DMRTC2: variants seen among roughly 807,000 people sequenced by gnomAD.
DMRTC2 encodes doublesex- and mab-3-related transcription factor C2.
In DMRTC2, 13 loss-of-function variants were observed where a neutral mutation model predicts 39.9. The ratio of observed to expected loss-of-function variants is 0.33; its 90% CI spans 0.21 to 0.52. DMRTC2 has a LOEUF of 0.52. DMRTC2 is among the 20% of genes least tolerant of loss of function. DMRTC2 has a pLI of 0.96. For missense variants in DMRTC2, 431 were observed against 472.8 expected (o/e 0.91, Z 0.82); for synonymous variants, 189 against 185.2 (o/e 1.02, Z -0.17).
chr19:41,851,725 TG>T lies in DMRTC2; in HGVS notation c.*31del. On this transcript the variant is annotated 3_prime_UTR_variant, in exon 9 of 9. Transcript: ENST00000269945. Reference sequence around the variant, plus strand: ...CCCAGAGATGGAGGCTGTCTTGCTATGGCAGGGAGGTGACAGCCTGCTGGCA... The same window carrying T: ...CCCAGAGATGGAGGCTGTCTTGCTATGCAGGGAGGTGACAGCCTGCTGGCA... 6.2e-7 allele frequency: 1 copy of T among 1,600,126 alleles called. No individual in the cohort carries two copies. Among genetic ancestry groups the T allele is most frequent in the Non-Finnish European group, 8.6e-7 (1 of 1,167,436 alleles).
intron 1 of DMRTC2, among the ~76,000 whole-genome samples, chr19:41,846,590 C>CA (rs1337586808): frequency 6.6e-6 from 1 of 151,602 alleles, no homozygotes; most frequent in Non-Finnish European, 1.5e-5. Context: ...TTTTTTGAGA[C>CA]AGAGTCTTGC....
chr19:41,849,252 C>A lies in DMRTC2; in HGVS notation c.751C>A (p.Arg251Ser). The A allele has an allele frequency of 6.2e-7, 1 of 1,613,914 alleles. No individual in the cohort carries two copies. Among genetic ancestry groups the A allele is most frequent in the Non-Finnish European group, 8.5e-7 (1 of 1,179,896 alleles). The change falls in exon 6 of 9, where the codon CGC (arginine) becomes AGC (serine). Residue 251 changes from arginine to serine, a missense_variant. By Grantham distance (110) the Arg-to-Ser change is moderately radical. Coordinates refer to ENST00000269945, the MANE Select transcript of DMRTC2 (RefSeq NM_001040283.3). Reference sequence around the variant, plus strand: ...GCCCCAAGGGCCCCCTAGCCAGCCCCGCACGTGAGTAGGGAGAGAAGGATG... The same window carrying A: ...GCCCCAAGGGCCCCCTAGCCAGCCCAGCACGTGAGTAGGGAGAGAAGGATG... ...GEPQGPPSQP[R>S]THSTLILQPC...
At chr19:41,846,316 C>T (rs544870576) in intron 1 of DMRTC2, among the ~76,000 whole-genome samples, 3 of 152,130 alleles carry the variant, frequency 2.0e-5, no homozygotes, top group East Asian at 1.9e-4. Flanking sequence ...ATGTAGGACT[C>T]GCTGAAGGGG....
In DMRTC2 at chr19:41,849,126, T is replaced by C. The variant is rs1228371411; in HGVS notation, c.629-4T>C. On this transcript the variant is annotated splice_region_variant and splice_polypyrimidine_tract_variant and intron_variant, in intron 5 of 8. Transcript: ENST00000269945. Reference sequence around the variant, plus strand: ...TACACTCTGCATTCTTTTATTCTTATTAGGCTTTGACCCTGGCACCTCCCT... The same window carrying C: ...TACACTCTGCATTCTTTTATTCTTACTAGGCTTTGACCCTGGCACCTCCCT... The C allele has an allele frequency of 1.2e-6, 2 of 1,614,072 alleles. No homozygotes were observed. The highest frequency in any genetic ancestry group is 2.2e-5 in the East Asian group (1 of 44,898).
chr19:41,845,688 G>T (rs1352162692), intron 1 of DMRTC2, among the ~76,000 whole-genome samples: 1 of 152,198 alleles, frequency 6.6e-6, no homozygotes, highest in Non-Finnish European at 1.5e-5. Context: ...TTAGACGGGC[G>T]TGGTGGCACA....
In DMRTC2 at chr19:41,851,863, A is replaced by G. The variant is rs1318017535; in HGVS notation, c.*167A>G. The G allele has an allele frequency of 1.4e-5, 9 of 629,810 alleles. No homozygotes were observed. Among genetic ancestry groups the G allele is most frequent in the Non-Finnish European group, 2.5e-5 (9 of 364,146 alleles). The allele number at this position is 629,810 out of a possible 1,614,324, so 39.0% of individuals were successfully genotyped here. On this transcript the variant is annotated 3_prime_UTR_variant, in exon 9 of 9. Transcript: ENST00000269945. ...GTTTGTTTAAGCTTTCAGGTGCTTC[A>G]TTAGCTTTCAGTTCCTTTGGTAGTG... is the stretch of plus-strand genomic sequence containing the variant.
At position 41,848,479 on chromosome 19, in the gene DMRTC2, C is replaced by T; in HGVS notation, c.398C>T (p.Pro133Leu). The T allele has an allele frequency of 6.2e-7, 1 of 1,605,332 alleles. No homozygotes were observed. Among genetic ancestry groups the T allele is most frequent in the Non-Finnish European group, 8.5e-7 (1 of 1,175,972 alleles). ...PSGKENIAPQ[P>L]QTPHGAVLLA... ...GGAAAGGAGAACATAGCACCCCAGC[C>T]TCAGACCCCCCATGGGGCAGTCCTG... is the stretch of plus-strand genomic sequence containing the variant. Residue 133 changes from proline (P) to leucine (L), a missense_variant, in exon 4 of 9, where the codon CCT (proline) becomes CTT (leucine). Physicochemically the swap from Pro to Leu is moderately conservative, Grantham distance 98. Coordinates refer to ENST00000269945, the MANE Select transcript of DMRTC2 (RefSeq NM_001040283.3).
intron 1 of DMRTC2, among the ~76,000 whole-genome samples, chr19:41,845,821 C>T (rs2073824956): frequency 6.6e-6 from 1 of 151,534 alleles, no homozygotes; most frequent in African/African-American, 2.4e-5. Flanking sequence ...AGTGAGACTC[C>T]ATCTCAAAAC....
At position 41,849,211 on chromosome 19, in the gene DMRTC2, C is replaced by T. The variant is rs1343636474; in HGVS notation, c.710C>T (p.Ala237Val). The T allele has an allele frequency of 1.2e-6, 2 of 1,614,168 alleles. No homozygotes were observed. Among genetic ancestry groups the T allele is most frequent in the East Asian group, 2.2e-5 (1 of 44,882 alleles). Residue 237 changes from alanine to valine, a missense_variant, in exon 6 of 9, where the codon GCT becomes GTT. By Grantham distance (64) the Ala-to-Val change is moderately conservative. Coordinates refer to ENST00000269945, the MANE Select transcript of DMRTC2 (RefSeq NM_001040283.3). ...TCPGSHPVLT[A>V]PLSGEPQGPP... ...CCAGGATCTCACCCAGTACTGACAG[C>T]TCCTCTTTCTGGAGAGCCCCAAGGG...
At chr19:41,851,441 G>A (rs116604425) in intron 8 of DMRTC2, 143 bp from the exon 9 acceptor site, 23,103 of 672,578 alleles carry the variant, frequency 0.034, 570 homozygotes, top group Admixed American at 0.095. Context: ...AGGCAAGACT[G>A]GAGGTGGGAA....
chr19:41,851,317 C>A, intron 8 of DMRTC2: 1 of 425,994 alleles, frequency 2.3e-6, no homozygotes, highest in Non-Finnish European at 4.2e-6. Flanking sequence ...GTGTCTAGAA[C>A]AGCAACTGTA....
In DMRTC2 at chr19:41,851,684, C is replaced by T. The variant is rs782276040; in HGVS notation, c.1092C>T (p.Ser364=). 1.9e-6 allele frequency: 3 copies of T among 1,613,944 alleles called. No individual in the cohort carries two copies. The highest frequency in any genetic ancestry group is 2.5e-6 in the Non-Finnish European group (3 of 1,180,004). The part of the protein sequence containing the change: ...ALHIGRLGSI[S]LLS ...ATATTGGCCGTCTGGGGTCCATCTC[C>T]CTCCTGAGCTAGAAACCCAGAGATG... The change falls in exon 9 of 9, where the codon TCC becomes TCT. Residue 364 remains serine, a synonymous_variant. Transcript: ENST00000269945.
In DMRTC2 at chr19:41,847,990, G is replaced by A. The variant is rs983710043; in HGVS notation, c.370+109G>A. 7 of 1,395,682 alleles carry A rather than the reference G, an allele frequency of 5.0e-6. No individual in the cohort carries two copies. The Admixed American group carries it at 1.9e-4, about 38-fold the overall frequency. 86.5% of individuals were successfully genotyped at this position (1,395,682 alleles called of 1,614,324 possible). ...ATTGGTGTACGACCTTGAACTAAGG[G>A]TTTCTACTCCCTCGGCCTCAGCTGT... On this transcript the variant is annotated intron_variant, in intron 3 of 8. Coordinates refer to ENST00000269945, the MANE Select transcript of DMRTC2 (RefSeq NM_001040283.3).
chr19:41,846,487 C>T (rs1224806769), intron 1 of DMRTC2, among the ~76,000 whole-genome samples: 4 of 151,900 alleles, frequency 2.6e-5, no homozygotes, highest in East Asian at 1.9e-4. Flanking sequence ...GCAGGAGGAT[C>T]GCTTGAGCCC....
intron 1 of DMRTC2, among the ~76,000 whole-genome samples, chr19:41,847,115 G>T (rs532349891): frequency 2.7e-5 from 4 of 150,820 alleles, no homozygotes; most frequent in Non-Finnish European, 5.9e-5. Context: ...AACCCGGGAG[G>T]TGGAGGTTGC....
At chr19:41,845,393 C>G (rs2073809244) in intron 1 of DMRTC2, 1 of 152,226 alleles carries the variant, frequency 6.6e-6, no homozygotes. Context: ...ACACAAAAAC[C>G]TGAATAAGGT....
chr19:41,851,156 TGAGAAA>T (rs1555837305), intron 8 of DMRTC2: 1 of 199,354 alleles, frequency 5.0e-6, no homozygotes, highest in Non-Finnish European at 1.0e-5. Flanking sequence ...CCTTGAAGAG[TGAGAAA>T]CACCTAGGGG....
chr19:41,848,559 C>T (rs782282322), intron 4 of DMRTC2, 31 bp downstream of exon 4: 1 of 1,480,374 alleles, frequency 6.8e-7, no homozygotes, highest in Non-Finnish European at 9.1e-7. Context: ...GAGAAAGTGT[C>T]CCCCACCCTA....
intron 1 of DMRTC2, 45 bp from the exon 2 acceptor site, chr19:41,847,380 G>T: frequency 6.6e-7 from 1 of 1,510,154 alleles, no homozygotes. Context: ...GGGTTGTTAG[G>T]GGCAGGCCCA....
Sources: gnomAD v4.1 joint callset for allele counts (sites outside exome capture counted in the v4.1 genomes callset) on GRCh38, gnomAD v4.1.1 for gene constraint, MANE v1.5 for transcripts, NCBI Gene and HGNC (gene_info 2026-07-23, HGNC 2026-07-21) for gene names.